Variants in EFCAB11 observed in about 807,000 individuals in gnomAD.
EFCAB11 encodes EF-hand calcium binding domain 11.
Under a neutral mutation model 23.0 loss-of-function variants are expected in EFCAB11, and 14 were observed. The ratio of observed to expected loss-of-function variants is 0.61; its 90% CI spans 0.40 to 0.95. The LOEUF (loss-of-function observed/expected upper bound fraction) is 0.95, where lower values mean the gene tolerates loss of function less well. Ranked by LOEUF, EFCAB11 falls within the 40% of genes least tolerant of loss-of-function variation. EFCAB11 has a pLI of 0.00. For missense variants in EFCAB11, 198 were observed against 195.8 expected (o/e 1.01, Z -0.07); for synonymous variants, 65 against 66.6 (o/e 0.98, Z 0.11).
intron 5 of EFCAB11, among the ~76,000 whole-genome samples, chr14:89,865,878 G>C (rs529939265): frequency 3.3e-5 from 5 of 152,086 alleles, no homozygotes; most frequent in African/African-American, 1.2e-4. Flanking sequence ...ATGTTGGCCA[G>C]GCTGGTCTCG....
At chr14:89,839,796 G>A (rs184455082) in intron 5 of EFCAB11, among the ~76,000 whole-genome samples, 6 of 150,742 alleles carry the variant, frequency 4.0e-5, no homozygotes, top group Non-Finnish European at 7.4e-5. Flanking sequence ...GCAGGGGGAA[G>A]AGAGAGGAAG....
intron 5 of EFCAB11, among the ~76,000 whole-genome samples, chr14:89,894,105 C>T (rs866845309): frequency 7.2e-5 from 11 of 152,016 alleles, no homozygotes; most frequent in Middle Eastern, 3.2e-3. Context: ...CCCGCCATCA[C>T]GCCCCCGGCT....
chr14:89,860,251 T>C (rs1488348601), intron 5 of EFCAB11, among the ~76,000 whole-genome samples: 1 of 151,934 alleles, frequency 6.6e-6, no homozygotes, highest in Non-Finnish European at 1.5e-5. Context: ...ATCATCCCTG[T>C]TACTCGGGAG....
intron 5 of EFCAB11, among the ~76,000 whole-genome samples, chr14:89,870,986 C>G (rs1888252069): frequency 6.6e-6 from 1 of 152,152 alleles, no homozygotes; most frequent in Admixed American, 6.5e-5. Flanking sequence ...CGCTGTGTTC[C>G]TTCTTGATAT....
At chr14:89,927,727 T>TA (rs1414023338) in intron 5 of EFCAB11, among the ~76,000 whole-genome samples, 2 of 127,002 alleles carry the variant, frequency 1.6e-5, no homozygotes, top group Non-Finnish European at 3.6e-5. Context: ...GTGTTATTCT[T>TA]TTTTTTTTTT....
At chr14:89,834,606 A>T (rs2140119143) in intron 5 of EFCAB11, among the ~76,000 whole-genome samples, 1 of 152,270 alleles carries the variant, frequency 6.6e-6, no homozygotes, top group South Asian at 2.1e-4. Flanking sequence ...GGAAAGTAGG[A>T]AGGTGCATGG....
chr14:89,839,296 A>C (rs1887184240), intron 5 of EFCAB11, among the ~76,000 whole-genome samples: 1 of 152,182 alleles, frequency 6.6e-6, no homozygotes, highest in South Asian at 2.1e-4. Flanking sequence ...AACATCTTTC[A>C]CAAGTTTGAG....
intron 5 of EFCAB11, among the ~76,000 whole-genome samples, chr14:89,806,315 A>T (rs774922453): frequency 6.6e-6 from 1 of 152,230 alleles, no homozygotes. Flanking sequence ...ACTTGTAGAC[A>T]TGTGGATAAA....
At chr14:89,883,034 C>T (rs1252055998) in intron 5 of EFCAB11, among the ~76,000 whole-genome samples, 3 of 152,128 alleles carry the variant, frequency 2.0e-5, no homozygotes, top group Non-Finnish European at 4.4e-5. Flanking sequence ...GTGATCTCTG[C>T]ACATGCCAGC....
At chr14:89,820,526 T>C (rs766783723) in intron 5 of EFCAB11, among the ~76,000 whole-genome samples, 1 of 151,500 alleles carries the variant, frequency 6.6e-6, no homozygotes, top group African/African-American at 2.4e-5. Flanking sequence ...TAGATTTCAG[T>C]CCCTACACTG....
At chr14:89,910,780 T>C (rs1193928362) in intron 5 of EFCAB11, among the ~76,000 whole-genome samples, 1 of 152,128 alleles carries the variant, frequency 6.6e-6, no homozygotes, top group African/African-American at 2.4e-5. Flanking sequence ...GACGGGTTTT[T>C]ATATTGTGGG....
rs111485744 is a variant in EFCAB11 at position 89,804,172 on chromosome 14, C to T, written c.411-6848G>A. 7.2e-5 allele frequency among the ~76,000 whole-genome samples: 11 copies of T among 152,320 alleles called. 1 individual carries two copies. Among genetic ancestry groups the T allele is most frequent in the African/African-American group, 2.6e-4 (11 of 41,580 alleles). Reference sequence around the variant, plus strand: ...CTGACACCTGGGGTGGCACCCCCTACCCCCCAAACGTGGAAGCATGAAAAG... The same window carrying T: ...CTGACACCTGGGGTGGCACCCCCTATCCCCCAAACGTGGAAGCATGAAAAG... On this transcript the variant is annotated intron_variant, in intron 5 of 5. Transcript: ENST00000316738.
intron 5 of EFCAB11, among the ~76,000 whole-genome samples, chr14:89,851,971 G>T (rs894914337): frequency 6.6e-6 from 1 of 152,198 alleles, no homozygotes; most frequent in Non-Finnish European, 1.5e-5. Flanking sequence ...AATGCCAAAA[G>T]AGTCTTTGGA....
intron 5 of EFCAB11, among the ~76,000 whole-genome samples, chr14:89,911,758 GTAT>G (rs1889684548): frequency 1.3e-5 from 2 of 152,198 alleles, no homozygotes; most frequent in Non-Finnish European, 2.9e-5. Flanking sequence ...GATCAACCAA[GTAT>G]TATTCTCTAG....
chr14:89,881,369 A>AATC (rs1888590465), intron 5 of EFCAB11, among the ~76,000 whole-genome samples: 1 of 145,286 alleles, frequency 6.9e-6, no homozygotes, highest in Non-Finnish European at 1.5e-5. Context: ...GTTTCTCCAA[A>AATC]ATCCACTCTC....
intron 5 of EFCAB11, among the ~76,000 whole-genome samples, chr14:89,872,516 A>G (rs1888311283): frequency 6.6e-6 from 1 of 152,208 alleles, no homozygotes; most frequent in Admixed American, 6.5e-5. Flanking sequence ...TGACGGTGAT[A>G]TGGAAGATAC....
intron 5 of EFCAB11, among the ~76,000 whole-genome samples, chr14:89,900,178 A>G (rs1889297756): frequency 6.6e-6 from 1 of 152,236 alleles, no homozygotes; most frequent in Non-Finnish European, 1.5e-5. Flanking sequence ...ATCAATGTGG[A>G]TAATTCCTAA....
intron 5 of EFCAB11, among the ~76,000 whole-genome samples, chr14:89,857,324 A>T (rs184201844): frequency 6.6e-6 from 1 of 152,326 alleles, no homozygotes; most frequent in East Asian, 1.9e-4. Flanking sequence ...ACAGATACAG[A>T]CCAAAAAGTG....
chr14:89,835,524 A>C (rs2097291935), intron 5 of EFCAB11, among the ~76,000 whole-genome samples: 1 of 151,522 alleles, frequency 6.6e-6, no homozygotes, highest in African/African-American at 2.4e-5. Context: ...GTGGCGTCAG[A>C]TCAGCTCTCA....
Sources: gnomAD v4.1 joint callset for allele counts (sites outside exome capture counted in the v4.1 genomes callset) on GRCh38, gnomAD v4.1.1 for gene constraint, MANE v1.5 for transcripts, NCBI Gene and HGNC (gene_info 2026-07-23, HGNC 2026-07-21) for gene names.